MATR3: variants seen among roughly 807,000 people sequenced by gnomAD.
MATR3 encodes matrin-3.
MATR3 carries 4 observed loss-of-function variants against 85.5 expected under a neutral mutation model. The observed-to-expected ratio is 0.05, with a 90% CI of 0.02 to 0.11. The LOEUF (loss-of-function observed/expected upper bound fraction) is 0.11, where lower values mean the gene tolerates loss of function less well. Ranked by LOEUF, MATR3 falls within the 10% of genes least tolerant of loss-of-function variation. The pLI, the probability that MATR3 is intolerant of heterozygous loss-of-function variation, is 1.00. For synonymous variants in MATR3, 336 were observed against 343.1 expected (o/e 0.98, Z 0.23); for missense variants, 685 against 1,016.1 (o/e 0.67, Z 4.43).
chr5:139,319,124 A>G (rs1238561618), intron 8 of MATR3, 91 bp downstream of exon 8: 2 of 1,443,286 alleles, frequency 1.4e-6, no homozygotes, highest in Non-Finnish European at 1.9e-6. Flanking sequence ...TGCTAAGGCC[A>G]GGTGTGGTGG....
Position 139,318,910 on chromosome 5 carries a change from A to C in MATR3, c.1311A>C (p.Ala437=). Residue 437 remains alanine (A), a splice_region_variant and synonymous_variant, in exon 8 of 15, where the codon GCA becomes GCC. Coordinates refer to ENST00000394805, the MANE Select transcript of MATR3 (RefSeq NM_018834.6). ...AATAACTTTTTGTATAATTTCAGGC[A>C]TTTATTGAAATGGCAACCACAGAGG... ...NHLILNKINE[A]FIEMATTEDA... The C allele has an allele frequency of 6.2e-7, 1 of 1,614,210 alleles. No homozygotes were observed. Among genetic ancestry groups the C allele is most frequent in the Non-Finnish European group, 8.5e-7 (1 of 1,180,010 alleles).
At chr5:139,274,134 C>A in exon 1 of MATR3, 1 of 441,310 alleles carries the variant, frequency 2.3e-6, no homozygotes, top group Non-Finnish European at 4.5e-6. Context: ...GGTGCTGCTG[C>A]GCCCTGCGGA....
intron 1 of MATR3, 58 bp downstream of exon 1, chr5:139,293,863 C>T (rs1436765166): frequency 2.5e-5 from 16 of 636,836 alleles, no homozygotes; most frequent in Non-Finnish European, 3.4e-5. Flanking sequence ...CCGTGTCCGC[C>T]GGGAGGGGAC....
chr5:139,322,835 C>G lies in MATR3; in HGVS notation c.2016C>G (p.Gly672=), dbSNP rs376884680. The part of the protein sequence containing the change: ...EEEAAALLES[G]SSVGDETDLA... ...AAGCAGCAGCACTGCTAGAAAGTGG[C>G]AGTTCAGTGGGAGACGAGACCGATC... The change falls in exon 12 of 15, where the codon GGC becomes GGG. Residue 672 remains glycine (G), a synonymous_variant. Transcript: ENST00000394805. 1 of 1,614,118 alleles carries G rather than the reference C, an allele frequency of 6.2e-7. No homozygotes were observed. The highest frequency in any genetic ancestry group is 2.2e-5 in the East Asian group (1 of 44,884).
At chr5:139,328,204 C>T (rs1289642069) in intron 14 of MATR3, among the ~76,000 whole-genome samples, 1 of 151,550 alleles carries the variant, frequency 6.6e-6, no homozygotes, top group Non-Finnish European at 1.5e-5. Context: ...ACTTTGTCAC[C>T]TTCATCAAGA....
chr5:139,326,112 C>T (rs775224582), intron 13 of MATR3, 51 bp from the exon 14 acceptor site: 2 of 1,438,600 alleles, frequency 1.4e-6, no homozygotes, highest in Middle Eastern at 2.4e-4. Flanking sequence ...ATTGTGAATA[C>T]TAAATAAAAT....
Position 139,319,390 on chromosome 5 carries a change from G to A in MATR3, c.1491G>A (p.Val497=), listed in dbSNP as rs767321147. The A allele has an allele frequency of 1.9e-6, 3 of 1,614,072 alleles. No individual in the cohort carries two copies. The highest frequency in any genetic ancestry group is 2.5e-6 in the Non-Finnish European group (3 of 1,180,052). ...ATCAAAAGCAAGAGCTTGGACGTGTGATACATCTCAGCAATTTGCCGCATT... is the reference window on the plus strand; with the variant it reads ...ATCAAAAGCAAGAGCTTGGACGTGTAATACATCTCAGCAATTTGCCGCATT... ...KFDQKQELGR[V]IHLSNLPHSG... The change falls in exon 9 of 15, where the codon GTG becomes GTA. Residue 497 remains valine (V), a synonymous_variant. Transcript: ENST00000394805.
chr5:139,284,952 C>T (rs542796147), intron 3 of MATR3, among the ~76,000 whole-genome samples: 3 of 152,220 alleles, frequency 2.0e-5, no homozygotes, highest in African/African-American at 7.2e-5. Context: ...CATAGAATAT[C>T]AACACTATTT....
At chr5:139,298,517 C>T (rs952240150) in intron 1 of MATR3, among the ~76,000 whole-genome samples, 1 of 152,086 alleles carries the variant, frequency 6.6e-6, no homozygotes, top group Admixed American at 6.5e-5. Context: ...TGCAGTGAGG[C>T]GAGATCGTGC....
At chr5:139,304,522 G>A (rs552908154) in intron 1 of MATR3, among the ~76,000 whole-genome samples, 1 of 151,724 alleles carries the variant, frequency 6.6e-6, no homozygotes, top group South Asian at 2.1e-4. Context: ...AAAAGAATTT[G>A]GTTATCAAGA....
intron 1 of MATR3, among the ~76,000 whole-genome samples, chr5:139,304,244 T>A (rs537287006): frequency 1.3e-5 from 2 of 152,264 alleles, no homozygotes; most frequent in African/African-American, 4.8e-5. Flanking sequence ...TGGTGGCTCA[T>A]GCCTATATAA....
chr5:139,274,849 C>T (rs879543075), intron 1 of MATR3, among the ~76,000 whole-genome samples: 1 of 151,624 alleles, frequency 6.6e-6, no homozygotes, highest in African/African-American at 2.4e-5. Flanking sequence ...CGCTTGAACC[C>T]GGGAGGCAGA....
chr5:139,304,355 C>G (rs1407692797), intron 1 of MATR3, among the ~76,000 whole-genome samples: 1 of 151,804 alleles, frequency 6.6e-6, no homozygotes, highest in African/African-American at 2.4e-5. Flanking sequence ...ACAAAATTAG[C>G]TGGAAGTGGT....
At position 139,308,102 on chromosome 5, in the gene MATR3, G is replaced by T. The variant is rs764544169; in HGVS notation, c.687G>T (p.Arg229Ser). 1.9e-6 allele frequency: 3 copies of T among 1,613,970 alleles called. No individual in the cohort carries two copies. The highest frequency in any genetic ancestry group is 2.5e-6 in the Non-Finnish European group (3 of 1,180,024). Residue 229 changes from arginine (R) to serine (S), a missense_variant, in exon 2 of 15, where the codon AGG becomes AGT. Physicochemically the swap from Arg to Ser is moderately radical, Grantham distance 110. Coordinates refer to ENST00000394805, the MANE Select transcript of MATR3 (RefSeq NM_018834.6). Reference protein sequence around the residue: ...YEDDRLRDGERCRDDSFFGET... With the variant: ...YEDDRLRDGESCRDDSFFGET... Reference sequence around the variant, plus strand: ...ATGACAGATTAAGAGATGGAGAAAGGTGTAGGGATGATTCTTTTTTTGGTG... The same window carrying T: ...ATGACAGATTAAGAGATGGAGAAAGTTGTAGGGATGATTCTTTTTTTGGTG...
At chr5:139,325,088 G>T (rs193106439) in intron 12 of MATR3, among the ~76,000 whole-genome samples, 1 of 152,150 alleles carries the variant, frequency 6.6e-6, no homozygotes, top group African/African-American at 2.4e-5. Flanking sequence ...AGCTACTCGG[G>T]AGGCTGAGGC....
intron 9 of MATR3, 40 bp downstream of exon 9, chr5:139,319,541 AAAATCCTT>A: frequency 6.4e-7 from 1 of 1,563,292 alleles, no homozygotes; most frequent in Non-Finnish European, 8.8e-7. Context: ...ATAATTTATT[AAAATCCTT>A]AAGATTTTTC....
chr5:139,309,417 T>C (rs1053105123), intron 2 of MATR3, among the ~76,000 whole-genome samples: 2 of 152,200 alleles, frequency 1.3e-5, no homozygotes, highest in African/African-American at 4.8e-5. Context: ...CATTTTCTTT[T>C]CATAGCTAAT....
At chr5:139,284,451 T>C (rs372709395) in intron 3 of MATR3, among the ~76,000 whole-genome samples, 2 of 151,934 alleles carry the variant, frequency 1.3e-5, no homozygotes, top group African/African-American at 4.8e-5. Context: ...AAGAAAAAAA[T>C]ACAAAAATTA....
chr5:139,317,023 C>G, intron 5 of MATR3, 30 bp from the exon 6 acceptor site: 1 of 1,602,756 alleles, frequency 6.2e-7, no homozygotes, highest in Non-Finnish European at 8.5e-7. Context: ...ATAGTGATTA[C>G]AAGACTGAAA....
Sources: gnomAD v4.1 joint callset for allele counts (sites outside exome capture counted in the v4.1 genomes callset) on GRCh38, gnomAD v4.1.1 for gene constraint, MANE v1.5 for transcripts, NCBI Gene and HGNC (gene_info 2026-07-23, HGNC 2026-07-21) for gene names.